The following FAT3 variants were observed in gnomAD, a reference collection of about 807,000 sequenced individuals.
FAT3 encodes the protein protocadherin Fat 3.
In FAT3, 95 loss-of-function variants were observed where a neutral mutation model predicts 310.2. That is an observed-to-expected ratio of 0.31 (90% confidence interval 0.26 to 0.36). FAT3 has a LOEUF of 0.36. Among genes scored for constraint, FAT3 ranks in the 10% least tolerant of loss-of-function variants. The pLI is 1.00. For synonymous variants in FAT3, 2,314 were observed against 2,192.9 expected (o/e 1.06, Z -1.54); for missense variants, 5,408 against 5,715.6 (o/e 0.95, Z 1.74).
At chr11:92,494,573 A>G (rs952328869) in intron 2 of FAT3, among the ~76,000 whole-genome samples, 1 of 151,910 alleles carries the variant, frequency 6.6e-6, no homozygotes, top group Admixed American at 6.6e-5. Flanking sequence ...GCATCTTCTT[A>G]TTTAATTTTT....
rs1252857246 is a variant in FAT3 at position 92,607,421 on chromosome 11, A to G, written c.3607+82473A>G. On this transcript the variant is annotated intron_variant, in intron 3 of 27. Coordinates refer to ENST00000525166, the MANE Select transcript of FAT3 (RefSeq NM_001367949.2). ...ACAACAATTACATTGATTTTTTTAA[A>G]TGAACTTTTAGACAAATTTTAATAT... 4.6e-5 allele frequency among the ~76,000 whole-genome samples: 7 copies of G among 152,178 alleles called. No individual in the cohort carries two copies. The East Asian group carries it at 1.3e-3, about 29-fold the overall frequency.
intron 2 of FAT3, among the ~76,000 whole-genome samples, chr11:92,463,356 G>T (rs1274545295): frequency 2.0e-5 from 3 of 152,120 alleles, no homozygotes; most frequent in Non-Finnish European, 2.9e-5. Context: ...TAGAATTGCT[G>T]GTTCTGGAAC....
chr11:92,491,700 C>A (rs1437654138), intron 2 of FAT3, among the ~76,000 whole-genome samples: 2 of 152,058 alleles, frequency 1.3e-5, no homozygotes, highest in African/African-American at 4.8e-5. Flanking sequence ...CAGTAATTCA[C>A]ATTAAGAGTA....
intron 2 of FAT3, among the ~76,000 whole-genome samples, chr11:92,450,637 AC>A (rs1460734507): frequency 6.6e-6 from 1 of 152,106 alleles, no homozygotes; most frequent in Non-Finnish European, 1.5e-5. Flanking sequence ...GGGAATTTGG[AC>A]CTGTATCTCA....
chr11:92,622,908 C>A (rs1203857290), intron 3 of FAT3, among the ~76,000 whole-genome samples: 2 of 152,090 alleles, frequency 1.3e-5, no homozygotes, highest in Non-Finnish European at 2.9e-5. Flanking sequence ...AACAAGCTTC[C>A]TCTTAAAGAA....
chr11:92,340,544 A>G (rs964885239), intron 1 of FAT3, among the ~76,000 whole-genome samples: 2 of 152,210 alleles, frequency 1.3e-5, no homozygotes, highest in East Asian at 3.9e-4. Flanking sequence ...AGTTTCAAAA[A>G]TGATACCAGG....
At chr11:92,240,650 A>G (rs1420932931) in intron 1 of FAT3, among the ~76,000 whole-genome samples, 1 of 151,560 alleles carries the variant, frequency 6.6e-6, no homozygotes, top group African/African-American at 2.4e-5. Flanking sequence ...ACAACAGCCT[A>G]TACAGCCTAA....
intron 1 of FAT3, among the ~76,000 whole-genome samples, chr11:92,319,055 A>G (rs1382903419): frequency 1.3e-5 from 2 of 152,222 alleles, no homozygotes; most frequent in Non-Finnish European, 2.9e-5. Context: ...GCTTATATGC[A>G]TGCACTCATA....
intron 3 of FAT3, among the ~76,000 whole-genome samples, chr11:92,573,374 A>G (rs764024067): frequency 2.6e-5 from 4 of 152,188 alleles, no homozygotes; most frequent in Non-Finnish European, 5.9e-5. Context: ...AGTGGCCCCT[A>G]GTAACATCCC....
chr11:92,562,263 C>T (rs1464111330), intron 3 of FAT3, among the ~76,000 whole-genome samples: 1 of 152,098 alleles, frequency 6.6e-6, no homozygotes, highest in Admixed American at 6.6e-5. Flanking sequence ...GTATCATATA[C>T]AATACTTCCT....
intron 1 of FAT3, among the ~76,000 whole-genome samples, chr11:92,253,261 T>C (rs1865198822): frequency 1.3e-5 from 2 of 151,924 alleles, no homozygotes; most frequent in Non-Finnish European, 2.9e-5. Flanking sequence ...CCCTTTTCCC[T>C]GTTTCTGAGT....
At chr11:92,477,405 CT>C (rs1952077961) in intron 2 of FAT3, among the ~76,000 whole-genome samples, 1 of 152,188 alleles carries the variant, frequency 6.6e-6, no homozygotes, top group Non-Finnish European at 1.5e-5. Context: ...TATATGCAAT[CT>C]AAACACAAAA....
intron 1 of FAT3, among the ~76,000 whole-genome samples, chr11:92,231,241 T>G (rs1202561004): frequency 6.6e-6 from 1 of 152,166 alleles, no homozygotes; most frequent in Non-Finnish European, 1.5e-5. Flanking sequence ...CAAGGTTAAC[T>G]TTGTCACAGA....
intron 4 of FAT3, among the ~76,000 whole-genome samples, chr11:92,712,251 C>T (rs1189936028): frequency 2.6e-5 from 4 of 152,010 alleles, no homozygotes; most frequent in East Asian, 1.9e-4. Flanking sequence ...CCCTGTCTCC[C>T]GCCACACATC....
intron 2 of FAT3, among the ~76,000 whole-genome samples, chr11:92,418,433 C>CA (rs1950464506): frequency 1.9e-5 from 2 of 106,690 alleles, no homozygotes. Context: ...CCCCCACCCC[C>CA]CCACACACAC....
intron 3 of FAT3, among the ~76,000 whole-genome samples, chr11:92,597,712 G>C (rs1403546274): frequency 6.6e-6 from 1 of 152,098 alleles, no homozygotes; most frequent in Non-Finnish European, 1.5e-5. Context: ...ATGACCCAGG[G>C]ATGCATGACT....
At chr11:92,747,164 T>C (rs1427577125) in intron 4 of FAT3, among the ~76,000 whole-genome samples, 1 of 151,968 alleles carries the variant, frequency 6.6e-6, no homozygotes, top group Non-Finnish European at 1.5e-5. Flanking sequence ...ATGAGAGCCC[T>C]GCCCCTGCAG....
intron 2 of FAT3, among the ~76,000 whole-genome samples, chr11:92,482,423 G>C: frequency 6.6e-6 from 1 of 152,106 alleles, no homozygotes; most frequent in African/African-American, 2.4e-5. Context: ...AGTCCTGTTA[G>C]GAGGTGTATT....
chr11:92,799,208 G>A lies in FAT3; in HGVS notation c.6195G>A (p.Val2065=). Residue 2065 remains valine (V), a synonymous_variant, in exon 10 of 28, where the codon GTG becomes GTA. Transcript: ENST00000525166. ...GCCGTGAGCTGGACCATCTGCGTGT[G>A]GCCAGAGTGGTGGTCAGGGTTAACA... The part of the protein sequence containing the change: ...EASRELDHLR[V]ARVVVRVNIE... The A allele has an allele frequency of 1.2e-6, 2 of 1,613,926 alleles. No individual in the cohort carries two copies. Among genetic ancestry groups the A allele is most frequent in the Non-Finnish European group, 1.7e-6 (2 of 1,179,864 alleles).
Sources: gnomAD v4.1 joint callset for allele counts (sites outside exome capture counted in the v4.1 genomes callset) on GRCh38, gnomAD v4.1.1 for gene constraint, MANE v1.5 for transcripts, NCBI Gene and HGNC (gene_info 2026-07-23, HGNC 2026-07-21) for gene names.